CD2BP2: variants seen among roughly 807,000 people sequenced by gnomAD.
CD2BP2 encodes the protein CD2 cytoplasmic tail binding protein 2, also known as CD2 antigen cytoplasmic tail-binding protein 2.
CD2BP2 carries 27 observed loss-of-function variants against 35.9 expected under a neutral mutation model. The observed-to-expected ratio is 0.75, with a 90% CI of 0.55 to 1.04. CD2BP2 has a LOEUF of 1.04. Among genes scored for constraint, CD2BP2 ranks in the 50% least tolerant of loss-of-function variants. The pLI is 0.00. For missense variants in CD2BP2, 497 were observed against 444.3 expected (o/e 1.12, Z -1.07); for synonymous variants, 213 against 173.5 (o/e 1.23, Z -1.79).
rs146582280 is a variant in CD2BP2 at position 30,353,311 on chromosome 16, T to C, written c.809-24A>G. ...TTCTAAAATAACAGGCAAAGCCATTTGGCCTCCAGTGTCTCACTTCCTACC... is the reference window on the plus strand; with the variant it reads ...TTCTAAAATAACAGGCAAAGCCATTCGGCCTCCAGTGTCTCACTTCCTACC... On this transcript the variant is annotated intron_variant, in intron 5 of 6. Coordinates refer to ENST00000305596, the MANE Select transcript of CD2BP2 (RefSeq NM_006110.3). 99 of 1,613,642 alleles carry C rather than the reference T, an allele frequency of 6.1e-5. 1 individual carries two copies. The African/African-American group carries it at 8.5e-4, about 14-fold the overall frequency.
rs1408801387 is a variant in CD2BP2 at position 30,352,271 on chromosome 16, GTCACTGCCCC to G, written c.*704_*713del. On this transcript the variant is annotated 3_prime_UTR_variant, in exon 7 of 7. Transcript: ENST00000305596. Reference sequence around the variant, plus strand: ...CTTTGATTCCTGTGATCTCCAGTGAGTCACTGCCCCTCTCTGTGCCAGTACAATGCACACT... The same window carrying G: ...CTTTGATTCCTGTGATCTCCAGTGAGTCTCTGTGCCAGTACAATGCACACT... The G allele has an allele frequency of 6.6e-6, 1 of 152,372 alleles. No individual in the cohort carries two copies. The highest frequency in any genetic ancestry group is 1.5e-5 in the Non-Finnish European group (1 of 68,138). 9.4% of individuals were successfully genotyped at this position (152,372 alleles called of 1,614,324 possible). A position where few individuals can be genotyped will look rare whatever the true frequency, so the allele number is the denominator to read the frequency against.
chr16:30,355,012 T>A, intron 1 of CD2BP2, 200 bp downstream of exon 1: 1 of 303,986 alleles, frequency 3.3e-6, no homozygotes, highest in Non-Finnish European at 6.3e-6. Flanking sequence ...CGCCACCGGC[T>A]CCACGGGCTG....
chr16:30,354,575 C>A, intron 2 of CD2BP2, 29 bp downstream of exon 2: 2 of 1,605,270 alleles, frequency 1.2e-6, no homozygotes, highest in Non-Finnish European at 1.7e-6. Flanking sequence ...CTCCTCTTTC[C>A]CCCACACAAA....
At position 30,352,939 on chromosome 16, in the gene CD2BP2, C is replaced by T. The variant is rs1275165732; in HGVS notation, c.*46G>A. 2.4e-6 allele frequency: 3 copies of T among 1,259,808 alleles called. No individual in the cohort carries two copies. The highest frequency in any genetic ancestry group is 3.5e-6 in the Non-Finnish European group (3 of 858,634). 78.0% of individuals were successfully genotyped at this position (1,259,808 alleles called of 1,614,324 possible). A position where few individuals can be genotyped will look rare whatever the true frequency, so the allele number is the denominator to read the frequency against. Reference sequence around the variant, plus strand: ...CCTGAGACACTTGGTGCCTCCTCCACAAAGTCCAGGAAAGAAGGGCCCACC... The same window carrying T: ...CCTGAGACACTTGGTGCCTCCTCCATAAAGTCCAGGAAAGAAGGGCCCACC... On this transcript the variant is annotated 3_prime_UTR_variant, in exon 7 of 7. Transcript: ENST00000305596.
rs759726485 is a variant in CD2BP2, at chr16:30,353,386, T to C, written c.790A>G (p.Thr264Ala). ...AGCTCACCTCCTCTCTGGGTAGGGG[T>C]TGGGGTCTCCAGTTCCTCCTCCGCC... ...ELAEEELETP[T>A]PTQRGEAESR... is the part of the protein sequence containing the mutation. The change falls in exon 5 of 7, where the codon ACC becomes GCC. Residue 264 changes from threonine to alanine, a missense_variant. Coordinates refer to ENST00000305596, the MANE Select transcript of CD2BP2 (RefSeq NM_006110.3). 1.9e-6 allele frequency: 3 copies of C among 1,613,986 alleles called. No individual in the cohort carries two copies. The highest frequency in any genetic ancestry group is 1.1e-5 in the South Asian group (1 of 91,084).
chr16:30,353,761 A>C lies in CD2BP2; in HGVS notation c.415T>G (p.Ser139Ala). The change falls in exon 5 of 7, where the codon TCA becomes GCA. Residue 139 changes from serine to alanine, a missense_variant. Transcript: ENST00000305596. ...AAGCTGTCCTCCTCCTCCGAGTCTG[A>C]GGCCTGGCGCTGGCCAGGTGGCCGC... The part of the protein sequence containing the change: ...RERPPGQRQA[S>A]DSEEEDSLGQ... The C allele has an allele frequency of 6.2e-7, 1 of 1,606,616 alleles. No individual in the cohort carries two copies. The highest frequency in any genetic ancestry group is 8.5e-7 in the Non-Finnish European group (1 of 1,176,304).
At position 30,353,222 on chromosome 16, in the gene CD2BP2, C is replaced by A. The variant is rs764398445; in HGVS notation, c.874G>T (p.Asp292Tyr). The A allele has an allele frequency of 2.5e-5, 40 of 1,614,042 alleles. No individual in the cohort carries two copies. The Middle Eastern group carries it at 6.6e-4, about 27-fold the overall frequency. ...GTGAAGGGCCCATACAGCTCGGCAT[C>A]CCCCGTGTTCTCCCACTTATATTCC... ...MWEYKWENTG[D>Y]AELYGPFTSA... Residue 292 changes from aspartate to tyrosine, a missense_variant, in exon 6 of 7, where the codon GAT becomes TAT. Transcript: ENST00000305596.
At chr16:30,355,092 GC>G (rs1308991996) in intron 1 of CD2BP2, 119 bp downstream of exon 1, 2 of 238,184 alleles carry the variant, frequency 8.4e-6, no homozygotes, top group East Asian at 2.5e-4. Context: ...TGGCGCTCTC[GC>G]CACCCCGTTC....
chr16:30,353,155 G>C (rs754472808), intron 6 of CD2BP2, 26 bp downstream of exon 6: 2 of 1,608,644 alleles, frequency 1.2e-6, no homozygotes, highest in Non-Finnish European at 1.7e-6. Context: ...CAGGGACAAG[G>C]CAGGAGGAGG....
chr16:30,353,368 C>T lies in CD2BP2; in HGVS notation c.808G>A (p.Glu270Lys). 1 of 1,613,874 alleles carries T rather than the reference C, an allele frequency of 6.2e-7. No homozygotes were observed. Among genetic ancestry groups the T allele is most frequent in the Non-Finnish European group, 8.5e-7 (1 of 1,179,762 alleles). Residue 270 changes from glutamate (E) to lysine (K), a missense_variant and splice_region_variant, in exon 5 of 7, where the codon GAA becomes AAA. By Grantham distance (56) the Glu-to-Lys change is moderately conservative. Transcript: ENST00000305596. ...LETPTPTQRGEAESRGDGLVD... is the reference protein window; with the variant it reads ...LETPTPTQRGKAESRGDGLVD... Reference sequence around the variant, plus strand: ...CCCCTCCTCTGTCCTCCAAGCTCACCTCCTCTCTGGGTAGGGGTTGGGGTC... The same window carrying T: ...CCCCTCCTCTGTCCTCCAAGCTCACTTCCTCTCTGGGTAGGGGTTGGGGTC...
At chr16:30,354,403 T>C (rs947420039) in intron 2 of CD2BP2, 81 bp from the exon 3 acceptor site, 5 of 1,506,118 alleles carry the variant, frequency 3.3e-6, no homozygotes, top group Non-Finnish European at 4.5e-6. Context: ...ACCCAAATAT[T>C]CCCCAAATAT....
At chr16:30,354,790 C>A in intron 1 of CD2BP2, 83 bp from the exon 2 acceptor site, 1 of 985,868 alleles carries the variant, frequency 1.0e-6, no homozygotes, top group South Asian at 1.3e-5. Flanking sequence ...TTTTCCTGGT[C>A]TGTGACAGGT....
rs1193619462 is a variant in CD2BP2, at chr16:30,350,999, T to C, written c.*1986A>G. ...TCCTTGCTTCATGCGCAGACCCTCGTGACTCCCCTTCCCTTATAAGGGCCC... is the reference window on the plus strand; with the variant it reads ...TCCTTGCTTCATGCGCAGACCCTCGCGACTCCCCTTCCCTTATAAGGGCCC... On this transcript the variant is annotated 3_prime_UTR_variant, in exon 7 of 7. Transcript: ENST00000305596. 1 of 152,706 alleles carries C rather than the reference T, an allele frequency of 6.5e-6. No homozygotes were observed. The highest frequency in any genetic ancestry group is 1.5e-5 in the Non-Finnish European group (1 of 68,064). The allele number at this position is 152,706 out of a possible 1,614,324, so 9.5% of individuals were successfully genotyped here.
At chr16:30,353,849 G>A in intron 4 of CD2BP2, 49 bp from the exon 5 acceptor site, 3 of 1,608,748 alleles carry the variant, frequency 1.9e-6, no homozygotes, top group Non-Finnish European at 2.5e-6. Context: ...ACGGGAGCAG[G>A]CCCAGCATCT....
In CD2BP2 at chr16:30,353,108, G is replaced by T. The variant is rs1036629722; in HGVS notation, c.916-13C>A. 2.5e-6 allele frequency: 4 copies of T among 1,607,990 alleles called. No individual in the cohort carries two copies. In the African/African-American group the frequency reaches 5.3e-5, roughly 22 times the overall value. On this transcript the variant is annotated splice_polypyrimidine_tract_variant and intron_variant, in intron 6 of 6. Coordinates refer to ENST00000305596, the MANE Select transcript of CD2BP2 (RefSeq NM_006110.3). ...CACTCACCCAGGTCTGCAAGGAGAGGGCAGAGCTGGGGAACAACTGACAGG... is the reference window on the plus strand; with the variant it reads ...CACTCACCCAGGTCTGCAAGGAGAGTGCAGAGCTGGGGAACAACTGACAGG...
intron 3 of CD2BP2, 27 bp from the exon 4 acceptor site, chr16:30,354,085 T>C: frequency 6.2e-7 from 1 of 1,613,354 alleles, no homozygotes; most frequent in East Asian, 2.2e-5. Context: ...GGTGCCCTTT[T>C]CCAGGCATGG....
In CD2BP2 at chr16:30,352,816, CT is replaced by C. The variant is rs1218847965; in HGVS notation, c.*168del. 1.6e-5 allele frequency: 10 copies of C among 610,540 alleles called. No homozygotes were observed. Among genetic ancestry groups the C allele is most frequent in the Admixed American group, 5.8e-5 (2 of 34,478 alleles). The allele number at this position is 610,540 out of a possible 1,614,324, so 37.8% of individuals were successfully genotyped here. A position where few individuals can be genotyped will look rare whatever the true frequency, so the allele number is the denominator to read the frequency against. ...AAGGGACTGTGGAGAAGGCCCCTGG[CT>C]TCTGGCCATCAGCACAGCCAAGGCC... On this transcript the variant is annotated 3_prime_UTR_variant, in exon 7 of 7. Transcript: ENST00000305596.
chr16:30,354,753 C>G (rs368544191), intron 1 of CD2BP2, 46 bp from the exon 2 acceptor site: 1 of 1,235,622 alleles, frequency 8.1e-7, no homozygotes, highest in Non-Finnish European at 1.2e-6. Flanking sequence ...GGAGGGGACT[C>G]GCCAACAGAC....
chr16:30,352,959 C>T lies in CD2BP2; in HGVS notation c.*26G>A, dbSNP rs1470168812. 1.4e-6 allele frequency: 2 copies of T among 1,447,874 alleles called. No homozygotes were observed. Among genetic ancestry groups the T allele is most frequent in the South Asian group, 1.1e-5 (1 of 87,936 alleles). The allele number at this position is 1,447,874 out of a possible 1,614,324, so 89.7% of individuals were successfully genotyped here. On this transcript the variant is annotated 3_prime_UTR_variant, in exon 7 of 7. Coordinates refer to ENST00000305596, the MANE Select transcript of CD2BP2 (RefSeq NM_006110.3). Reference sequence around the variant, plus strand: ...CTCCACAAAGTCCAGGAAAGAAGGGCCCACCAAACTGGGCCCCCAGCAGGC... The same window carrying T: ...CTCCACAAAGTCCAGGAAAGAAGGGTCCACCAAACTGGGCCCCCAGCAGGC...
Sources: gnomAD v4.1 joint callset for allele counts on GRCh38, gnomAD v4.1.1 for gene constraint, MANE v1.5 for transcripts, NCBI Gene and HGNC (gene_info 2026-07-23, HGNC 2026-07-21) for gene names.